KIF6: variants seen among roughly 807,000 people sequenced by gnomAD.
The protein encoded by KIF6 is kinesin-like protein KIF6.
In KIF6, 106 loss-of-function variants were observed where a neutral mutation model predicts 112.7. The ratio of observed to expected loss-of-function variants is 0.94; its 90% CI spans 0.80 to 1.11. KIF6 has a LOEUF of 1.11. Ranked by LOEUF, KIF6 falls within the 50% of genes least tolerant of loss-of-function variation. KIF6 has a pLI of 0.00. For synonymous variants in KIF6, 339 were observed against 339.9 expected (o/e 1.00, Z 0.03); for missense variants, 929 against 964.0 (o/e 0.96, Z 0.48).
intron 13 of KIF6, among the ~76,000 whole-genome samples, chr6:39,478,276 T>C (rs976228122): frequency 1.3e-5 from 2 of 152,214 alleles, no homozygotes; most frequent in Non-Finnish European, 2.9e-5. Context: ...CTCCCACTTA[T>C]GAGTGAGAAC....
chr6:39,385,389 G>C (rs1767325524), intron 16 of KIF6, among the ~76,000 whole-genome samples: 1 of 152,184 alleles, frequency 6.6e-6, no homozygotes, highest in Non-Finnish European at 1.5e-5. Flanking sequence ...TGAGGCAACA[G>C]CTGGAAGAGT....
At chr6:39,349,705 T>C (rs1764090220) in intron 19 of KIF6, among the ~76,000 whole-genome samples, 1 of 141,490 alleles carries the variant, frequency 7.1e-6, no homozygotes, top group South Asian at 2.3e-4. Flanking sequence ...TGCTGTGGTG[T>C]GATCTCAGCT....
At chr6:39,433,292 G>C (rs1771292478) in intron 13 of KIF6, among the ~76,000 whole-genome samples, 1 of 152,236 alleles carries the variant, frequency 6.6e-6, no homozygotes, top group Non-Finnish European at 1.5e-5. Flanking sequence ...TGGGCCGTGG[G>C]AGCAGAAAGG....
intron 3 of KIF6, among the ~76,000 whole-genome samples, chr6:39,669,996 A>C (rs1396863738): frequency 6.6e-6 from 1 of 152,246 alleles, no homozygotes; most frequent in African/African-American, 2.4e-5. Context: ...TCACTGGGAA[A>C]GGGTCTTTTA....
chr6:39,685,659 T>TA (rs1191652921), intron 3 of KIF6, among the ~76,000 whole-genome samples: 1 of 152,188 alleles, frequency 6.6e-6, no homozygotes, highest in African/African-American at 2.4e-5. Context: ...GCCATAGAGA[T>TA]AGAGTAGGTG....
intron 5 of KIF6, among the ~76,000 whole-genome samples, chr6:39,630,261 A>G (rs1316808637): frequency 6.6e-6 from 1 of 152,086 alleles, no homozygotes; most frequent in Non-Finnish European, 1.5e-5. Context: ...TCTATACTTT[A>G]TCTACAAATC....
chr6:39,566,545 T>C (rs180890001), intron 10 of KIF6, among the ~76,000 whole-genome samples: 13 of 152,364 alleles, frequency 8.5e-5, no homozygotes, highest in African/African-American at 3.1e-4. Context: ...GTTTTTGTTT[T>C]GTTTAGCCTT....
At chr6:39,437,237 A>T (rs1186794006) in intron 13 of KIF6, among the ~76,000 whole-genome samples, 1 of 152,236 alleles carries the variant, frequency 6.6e-6, no homozygotes, top group Non-Finnish European at 1.5e-5. Context: ...GGCTTTACTG[A>T]ATTCATTTAT....
At chr6:39,501,044 T>C (rs569758371) in intron 13 of KIF6, among the ~76,000 whole-genome samples, 122 of 152,210 alleles carry the variant, frequency 8.0e-4, no homozygotes, top group African/African-American at 2.7e-3. Flanking sequence ...TCTAGGTTGT[T>C]GCATTGGGAC....
At chr6:39,435,217 CT>C (rs1771439767) in intron 13 of KIF6, among the ~76,000 whole-genome samples, 1 of 152,084 alleles carries the variant, frequency 6.6e-6, no homozygotes, top group South Asian at 2.1e-4. Flanking sequence ...AGATCGTACT[CT>C]TATTAGTGCT....
intron 13 of KIF6, among the ~76,000 whole-genome samples, chr6:39,514,588 C>T (rs907389706): frequency 2.6e-5 from 4 of 152,160 alleles, no homozygotes; most frequent in African/African-American, 9.7e-5. Flanking sequence ...CCTTGCAATA[C>T]AAAGACATAA....
chr6:39,721,369 T>G (rs1047151103), intron 1 of KIF6, among the ~76,000 whole-genome samples: 1 of 152,160 alleles, frequency 6.6e-6, no homozygotes, highest in Non-Finnish European at 1.5e-5. Context: ...TTCATGTATT[T>G]GATGTCATTT....
chr6:39,658,627 G>C (rs1220287936), intron 3 of KIF6, among the ~76,000 whole-genome samples: 3 of 152,024 alleles, frequency 2.0e-5, no homozygotes, highest in African/African-American at 7.2e-5. Flanking sequence ...AGCATAATTT[G>C]CCTCACATAT....
chr6:39,508,250 T>C (rs1582009454), intron 13 of KIF6, among the ~76,000 whole-genome samples: 2 of 152,082 alleles, frequency 1.3e-5, no homozygotes, highest in African/African-American at 4.8e-5. Context: ...GCTTCCAAGA[T>C]GGCTGAATAG....
chr6:39,418,067 C>CA (rs1770061311), intron 15 of KIF6, among the ~76,000 whole-genome samples: 1 of 151,946 alleles, frequency 6.6e-6, no homozygotes, highest in Non-Finnish European at 1.5e-5. Flanking sequence ...GGATGCCCCC[C>CA]AGCAGAGTGT....
In KIF6 at chr6:39,638,955, T is replaced by C. The variant is rs559913501; in HGVS notation, c.399+655A>G. 2.1e-3 allele frequency among the ~76,000 whole-genome samples: 318 copies of C among 152,146 alleles called. 1 individual carries two copies. Among genetic ancestry groups the C allele is most frequent in the African/African-American group, 7.3e-3 (303 of 41,542 alleles). Reference sequence around the variant, plus strand: ...GCACAGAGTTAGACATCAGGTGGACTTGGGATAGAACTCTAGATCAGCTAC... The same window carrying C: ...GCACAGAGTTAGACATCAGGTGGACCTGGGATAGAACTCTAGATCAGCTAC... On this transcript the variant is annotated intron_variant, in intron 4 of 22. Transcript: ENST00000287152.
chr6:39,641,836 G>A (rs1304254589), intron 3 of KIF6, among the ~76,000 whole-genome samples: 1 of 152,066 alleles, frequency 6.6e-6, no homozygotes, highest in African/African-American at 2.4e-5. Flanking sequence ...AGTTGTCCTA[G>A]TATGTCTGTC....
intron 3 of KIF6, among the ~76,000 whole-genome samples, chr6:39,706,644 C>T (rs890887233): frequency 1.3e-5 from 2 of 152,178 alleles, no homozygotes; most frequent in African/African-American, 4.8e-5. Context: ...AGCATAGCAG[C>T]AAGTAAAGCC....
At chr6:39,400,212 G>A (rs1306158999) in intron 15 of KIF6, among the ~76,000 whole-genome samples, 1 of 152,178 alleles carries the variant, frequency 6.6e-6, no homozygotes, top group Non-Finnish European at 1.5e-5. Context: ...ATTGTGAGAA[G>A]TTTCCTTTAG....
Sources: allele counts gnomAD v4.1 joint callset (sites outside exome capture counted in the v4.1 genomes callset), GRCh38; gene constraint gnomAD v4.1.1; transcripts MANE v1.5; gene names NCBI Gene and HGNC (gene_info 2026-07-23, HGNC 2026-07-21).